ST6GALNAC3: variants seen among roughly 807,000 people sequenced by gnomAD.
The protein encoded by ST6GALNAC3 is ST6 N-acetylgalactosaminide alpha-2,6-sialyltransferase 3.
Under a neutral mutation model 32.7 loss-of-function variants are expected in ST6GALNAC3, and 25 were observed. That is an observed-to-expected ratio of 0.76 (90% CI 0.56 to 1.07). The LOEUF is 1.07. Ranked by LOEUF, ST6GALNAC3 falls within the 50% of genes least tolerant of loss-of-function variation. The probability of loss-of-function intolerance (pLI) is 0.00; values close to 1 mark genes in which losing one functional copy is unlikely to be tolerated. For missense variants in ST6GALNAC3, 355 were observed against 382.4 expected, an observed-to-expected ratio of 0.93 and a Z score of 0.60; for synonymous variants, 129 against 133.1, an observed-to-expected ratio of 0.97 and a Z score of 0.21.
At chr1:76,576,926 G>T (rs1431514008) in intron 3 of ST6GALNAC3, 1 of 1,289,308 alleles carries the variant, frequency 7.8e-7, no homozygotes, top group Non-Finnish European at 1.0e-6. Context: ...AGGAAGGAAG[G>T]AATAAAAGAA....
At chr1:76,142,799 C>T (rs1009251768) in intron 1 of ST6GALNAC3, 13 of 449,606 alleles carry the variant, frequency 2.9e-5, no homozygotes, top group East Asian at 2.8e-4. Flanking sequence ...GTAGAGGCCC[C>T]GCTTCCTTGT....
At chr1:76,520,373 T>G (rs1268699021) in intron 3 of ST6GALNAC3, among the ~76,000 whole-genome samples, 1 of 152,132 alleles carries the variant, frequency 6.6e-6, no homozygotes, top group East Asian at 1.9e-4. Context: ...GAATTCCCAT[T>G]TTATAAAGCT....
At chr1:76,526,361 G>GTT (rs1328862948) in intron 3 of ST6GALNAC3, among the ~76,000 whole-genome samples, 2 of 152,032 alleles carry the variant, frequency 1.3e-5, no homozygotes, top group Non-Finnish European at 2.9e-5. Flanking sequence ...ACAACTTCAA[G>GTT]TTGTTTCATG....
chr1:76,252,406 G>A (rs947238960), intron 1 of ST6GALNAC3, among the ~76,000 whole-genome samples: 1 of 152,174 alleles, frequency 6.6e-6, no homozygotes, highest in African/African-American at 2.4e-5. Flanking sequence ...GTTTAGTCAA[G>A]TTCTTTCATG....
At chr1:76,092,686 G>A (rs1036582080) in intron 1 of ST6GALNAC3, among the ~76,000 whole-genome samples, 8 of 152,142 alleles carry the variant, frequency 5.3e-5, no homozygotes, top group East Asian at 1.9e-4. Flanking sequence ...AATTATTGTC[G>A]TAGAAGACTT....
chr1:76,141,452 T>A (rs1462939256), intron 1 of ST6GALNAC3, among the ~76,000 whole-genome samples: 2 of 152,162 alleles, frequency 1.3e-5, no homozygotes, highest in East Asian at 3.9e-4. Flanking sequence ...CAAGTCCCCA[T>A]TAAGTGTGCT....
intron 1 of ST6GALNAC3, among the ~76,000 whole-genome samples, chr1:76,197,747 C>A (rs926898576): frequency 6.6e-6 from 1 of 152,072 alleles, no homozygotes; most frequent in Non-Finnish European, 1.5e-5. Flanking sequence ...TTAGGCAGGA[C>A]CCTCTAAGCC....
At chr1:76,564,751 A>G in intron 3 of ST6GALNAC3, among the ~76,000 whole-genome samples, 1 of 151,820 alleles carries the variant, frequency 6.6e-6, no homozygotes, top group Non-Finnish European at 1.5e-5. Flanking sequence ...ACGCCTGGCT[A>G]ATTTTTTGTA....
chr1:76,391,096 C>T (rs1211424570), intron 2 of ST6GALNAC3, among the ~76,000 whole-genome samples: 4 of 151,350 alleles, frequency 2.6e-5, no homozygotes, highest in African/African-American at 7.3e-5. Flanking sequence ...CCCACCACCA[C>T]GCAAGGCTAA....
At chr1:76,506,581 G>A (rs1398953750) in intron 3 of ST6GALNAC3, among the ~76,000 whole-genome samples, 1 of 152,156 alleles carries the variant, frequency 6.6e-6, no homozygotes, top group Non-Finnish European at 1.5e-5. Flanking sequence ...GTTCCATATT[G>A]GGGGATTTAT....
chr1:76,419,108 A>C (rs1654853154), intron 3 of ST6GALNAC3, among the ~76,000 whole-genome samples: 1 of 151,944 alleles, frequency 6.6e-6, no homozygotes, highest in Non-Finnish European at 1.5e-5. Context: ...TGTATTTGAC[A>C]AGACAATTTA....
chr1:76,373,372 T>C (rs1322805428), intron 2 of ST6GALNAC3, among the ~76,000 whole-genome samples: 1 of 152,190 alleles, frequency 6.6e-6, no homozygotes, highest in Admixed American at 6.5e-5. Flanking sequence ...TTAATATATG[T>C]AAGGCACATG....
chr1:76,583,403 T>C (rs936886208), intron 3 of ST6GALNAC3, among the ~76,000 whole-genome samples: 5 of 152,172 alleles, frequency 3.3e-5, no homozygotes, highest in Admixed American at 2.6e-4. Context: ...TTGAGAAGCC[T>C]TTGATGAAAA....
chr1:76,144,149 A>T (rs1188060063), intron 1 of ST6GALNAC3, among the ~76,000 whole-genome samples: 1 of 152,144 alleles, frequency 6.6e-6, no homozygotes, highest in Non-Finnish European at 1.5e-5. Flanking sequence ...CATGAGAAGC[A>T]TGGGCTCAGG....
At chr1:76,327,312 G>A (rs1024682512) in intron 2 of ST6GALNAC3, among the ~76,000 whole-genome samples, 19 of 136,952 alleles carry the variant, frequency 1.4e-4, no homozygotes, top group Admixed American at 3.5e-4. Flanking sequence ...GTGTGTGTGT[G>A]TGTATGTGTG....
At chr1:76,346,473 T>A (rs940726711) in intron 2 of ST6GALNAC3, among the ~76,000 whole-genome samples, 1 of 152,182 alleles carries the variant, frequency 6.6e-6, no homozygotes, top group Non-Finnish European at 1.5e-5. Flanking sequence ...CAGATGTAAT[T>A]GTGTAAAGCA....
At chr1:76,576,529 G>A (rs1280443147) in intron 3 of ST6GALNAC3, among the ~76,000 whole-genome samples, 1 of 152,028 alleles carries the variant, frequency 6.6e-6, no homozygotes, top group Non-Finnish European at 1.5e-5. Flanking sequence ...GACACATGCA[G>A]GTAATAACAC....
chr1:76,376,531 A>G (rs1352940479), intron 2 of ST6GALNAC3, among the ~76,000 whole-genome samples: 1 of 152,200 alleles, frequency 6.6e-6, no homozygotes, highest in Non-Finnish European at 1.5e-5. Flanking sequence ...TGCCATTTTA[A>G]GAACGTTGTA....
intron 2 of ST6GALNAC3, among the ~76,000 whole-genome samples, chr1:76,396,121 AAAG>A (rs1652936081): frequency 6.6e-6 from 1 of 152,172 alleles, no homozygotes; most frequent in African/African-American, 2.4e-5. Context: ...AATACTTAAA[AAAG>A]AAAAAAAGTC....
Sources: allele counts gnomAD v4.1 joint callset (sites outside exome capture counted in the v4.1 genomes callset), GRCh38; gene constraint gnomAD v4.1.1; transcripts MANE v1.5; gene names NCBI Gene and HGNC (gene_info 2026-07-23, HGNC 2026-07-21).